CDC42: variants seen among roughly 807,000 people sequenced by gnomAD.
CDC42 encodes cell division cycle 42, also known as cell division control protein 42 homolog.
A neutral mutation model predicts 20.8 loss-of-function variants in CDC42; 1 was observed. That is an observed-to-expected ratio of 0.05 (90% CI 0.02 to 0.23). The LOEUF (loss-of-function observed/expected upper bound fraction) is 0.23. CDC42 is among the 10% of genes least tolerant of loss of function. The pLI is 1.00. For synonymous variants in CDC42, 72 were observed against 84.8 expected (o/e 0.85, Z 0.83); for missense variants, 49 against 227.9 (o/e 0.21, Z 5.05).
At position 22,100,356 on chromosome 1, in the gene CDC42, G is replaced by A. The variant is rs1645782602; in HGVS notation, c.*8839G>A. ...GAGGCAGGGATGGATGATGTCATTT[G>A]TCAAATGGTAAAACTGAGGCGAAAC... is the stretch of plus-strand genomic sequence containing the variant. On this transcript the variant is annotated 3_prime_UTR_variant, in exon 6 of 6. Transcript: ENST00000656825. Among the ~76,000 whole-genome samples, 1 of 152,208 alleles carries A rather than the reference G, an allele frequency of 6.6e-6. No individual in the cohort carries two copies. The highest frequency in any genetic ancestry group is 1.5e-5 in the Non-Finnish European group (1 of 68,038).
intron 1 of CDC42, among the ~76,000 whole-genome samples, chr1:22,069,804 G>T (rs367672442): frequency 6.6e-6 from 1 of 151,006 alleles, no homozygotes; most frequent in African/African-American, 2.4e-5. Context: ...TTTTGTTGTT[G>T]TTGTTTTGAG....
chr1:22,066,038 G>A (rs1645419337), intron 1 of CDC42, among the ~76,000 whole-genome samples: 1 of 152,176 alleles, frequency 6.6e-6, no homozygotes, highest in Non-Finnish European at 1.5e-5. Flanking sequence ...GGGATTACAG[G>A]CCTCTGTGCC....
chr1:22,068,063 C>T (rs2152828366), intron 1 of CDC42, among the ~76,000 whole-genome samples: 1 of 152,104 alleles, frequency 6.6e-6, no homozygotes, highest in Admixed American at 6.5e-5. Flanking sequence ...GCCTAGGTGA[C>T]AGGGTGAGAC....
chr1:22,088,277 G>A (rs1570041835), intron 5 of CDC42, among the ~76,000 whole-genome samples: 1 of 152,160 alleles, frequency 6.6e-6, no homozygotes, highest in East Asian at 1.9e-4. Flanking sequence ...GCATACCTCT[G>A]TTCTCTAGAT....
In CDC42 at chr1:22,094,276, T is replaced by C. The variant is rs1645740903; in HGVS notation, c.*2759T>C. ...TTATTGCTATTTATAAGTGTTTTAC[T>C]GAACATCCTAGAAATAGATTTTTTT... On this transcript the variant is annotated 3_prime_UTR_variant, in exon 6 of 6. Transcript: ENST00000656825. Among the ~76,000 whole-genome samples, 1 of 145,046 alleles carries C rather than the reference T, an allele frequency of 6.9e-6. No individual in the cohort carries two copies. The highest frequency in any genetic ancestry group is 1.5e-5 in the Non-Finnish European group (1 of 66,698).
At chr1:22,056,083 G>C (rs1645302069) in intron 1 of CDC42, among the ~76,000 whole-genome samples, 1 of 152,166 alleles carries the variant, frequency 6.6e-6, no homozygotes, top group African/African-American at 2.4e-5. Flanking sequence ...AGTTCTGTGA[G>C]GGCAGGGCTT....
chr1:22,092,243 T>C lies in CDC42; in HGVS notation c.*726T>C, dbSNP rs1247136407. On this transcript the variant is annotated 3_prime_UTR_variant, in exon 6 of 6. Coordinates refer to ENST00000656825, the MANE Select transcript of CDC42 (RefSeq NM_001791.4). The stretch of plus-strand genomic sequence containing the variant: ...AGCCCATCTTGCCCCTCCTCTTTTC[T>C]AGGACGCACTATATGTGACTGTGAC... The C allele has an allele frequency of 6.6e-6, 1 of 152,614 alleles. No individual in the cohort carries two copies. The highest frequency in any genetic ancestry group is 1.9e-4 in the East Asian group (1 of 5,200). The allele number at this position is 152,614 out of a possible 1,614,324, so 9.5% of individuals were successfully genotyped here.
Position 22,095,011 on chromosome 1 carries a change from C to G in CDC42, c.*3494C>G, listed in dbSNP as rs761372567. ...GGGCCCTGCTCAAGAAGGATTGAAA[C>G]TTAGTCCTTGCTGGGTACAAATTTA... On this transcript the variant is annotated 3_prime_UTR_variant, in exon 6 of 6. Transcript: ENST00000656825. 3.9e-4 allele frequency among the ~76,000 whole-genome samples: 59 copies of G among 152,184 alleles called. No individual in the cohort carries two copies. The highest frequency in any genetic ancestry group is 5.4e-4 in the Non-Finnish European group (37 of 68,028).
chr1:22,081,989 G>T (rs189291053), intron 3 of CDC42, among the ~76,000 whole-genome samples, 195 bp downstream of exon 3: 2 of 151,444 alleles, frequency 1.3e-5, no homozygotes, highest in Admixed American at 1.3e-4. Context: ...TAGGAGTTTG[G>T]AGTACCCTGG....
At chr1:22,081,917 G>A in intron 3 of CDC42, 123 bp downstream of exon 3, 1 of 669,048 alleles carries the variant, frequency 1.5e-6, no homozygotes, top group Admixed American at 2.6e-5. Flanking sequence ...TTAGTTAGCA[G>A]GATTGAATAT....
chr1:22,089,263 G>T (rs545589913), intron 5 of CDC42, among the ~76,000 whole-genome samples: 1 of 152,092 alleles, frequency 6.6e-6, no homozygotes, highest in Non-Finnish European at 1.5e-5. Flanking sequence ...CTTAATCCCC[G>T]TAAGATCTGA....
At chr1:22,060,892 A>C (rs911894348) in intron 1 of CDC42, among the ~76,000 whole-genome samples, 1 of 152,222 alleles carries the variant, frequency 6.6e-6, no homozygotes, top group African/African-American at 2.4e-5. Flanking sequence ...TTATAACTTG[A>C]AAGGATAGTT....
Position 22,091,442 on chromosome 1 carries a change from T to C in CDC42, c.501T>C (p.Asn167=), listed in dbSNP as rs769587959. Residue 167 remains asparagine (N), a synonymous_variant, in exon 6 of 6, where the codon AAT becomes AAC. Coordinates refer to ENST00000656825, the MANE Select transcript of CDC42 (RefSeq NM_001791.4). ...CSALTQKGLK[N]VFDEAILAAL... ...CCCCTTTTCAGAAAGGCCTAAAGAATGTATTTGACGAAGCAATATTGGCTG... is the reference window on the plus strand; with the variant it reads ...CCCCTTTTCAGAAAGGCCTAAAGAACGTATTTGACGAAGCAATATTGGCTG... 1.1e-5 allele frequency: 18 copies of C among 1,612,638 alleles called. No individual in the cohort carries two copies. The highest frequency in any genetic ancestry group is 1.7e-4 in the Middle Eastern group (1 of 6,054).
intron 5 of CDC42, among the ~76,000 whole-genome samples, chr1:22,088,557 A>G (rs1645685368): frequency 6.6e-6 from 1 of 152,246 alleles, no homozygotes; most frequent in African/African-American, 2.4e-5. Context: ...TGAGGCTTAC[A>G]GATTCTGTTT....
In CDC42 at chr1:22,058,744, C is replaced by G. The variant is rs546732703; in HGVS notation, c.-51+6002C>G. Among the ~76,000 whole-genome samples, 12 of 152,252 alleles carry G rather than the reference C, an allele frequency of 7.9e-5. No individual in the cohort carries two copies. In the East Asian group the frequency reaches 2.3e-3, roughly 29 times the overall value. ...AAACTCCCGACCTCAGGTGATCCACCCACCTTGGCCTCCCATAGTGCTGGG... is the reference window on the plus strand; with the variant it reads ...AAACTCCCGACCTCAGGTGATCCACGCACCTTGGCCTCCCATAGTGCTGGG... On this transcript the variant is annotated intron_variant, in intron 1 of 5. Coordinates refer to ENST00000656825, the MANE Select transcript of CDC42 (RefSeq NM_001791.4).
chr1:22,076,071 C>T (rs1271398026), intron 1 of CDC42, among the ~76,000 whole-genome samples: 5 of 152,142 alleles, frequency 3.3e-5, no homozygotes, highest in African/African-American at 4.8e-5. Context: ...TGGTAACTCA[C>T]GGATATATAC....
chr1:22,074,913 G>C (rs1406973911), intron 1 of CDC42, among the ~76,000 whole-genome samples: 2 of 152,308 alleles, frequency 1.3e-5, no homozygotes, highest in African/African-American at 4.8e-5. Context: ...TTCTTGTAAG[G>C]CAGGGACAGG....
intron 1 of CDC42, among the ~76,000 whole-genome samples, chr1:22,076,140 ATAGTG>A (rs1409927993): frequency 2.0e-5 from 3 of 152,170 alleles, no homozygotes; most frequent in African/African-American, 7.2e-5. Context: ...CTCAGACAGT[ATAGTG>A]TAATGTAATG....
chr1:22,078,632 A>C (rs1645576015), intron 2 of CDC42, 49 bp downstream of exon 2: 4 of 1,563,258 alleles, frequency 2.6e-6, no homozygotes, highest in African/African-American at 1.4e-5. Context: ...AAAATTTGAT[A>C]TCCTTTTGAA....
Sources: allele counts gnomAD v4.1 joint callset (sites outside exome capture counted in the v4.1 genomes callset), GRCh38; gene constraint gnomAD v4.1.1; transcripts MANE v1.5; gene names NCBI Gene and HGNC (gene_info 2026-07-23, HGNC 2026-07-21).